CSMD1: variants seen among roughly 807,000 people sequenced by gnomAD.
CSMD1 encodes the protein CUB and Sushi multiple domains 1.
In CSMD1, 213 loss-of-function variants were observed where a neutral mutation model predicts 417.5. That is an observed-to-expected ratio of 0.51 (90% CI 0.46 to 0.57). The LOEUF (loss-of-function observed/expected upper bound fraction) is 0.57, where lower values mean the gene tolerates loss of function less well. Among genes scored for constraint, CSMD1 ranks in the 20% least tolerant of loss-of-function variants. CSMD1 has a pLI of 0.00. For synonymous variants in CSMD1, 2,862 were observed against 1,736.8 expected (o/e 1.65, Z -16.11); for missense variants, 6,923 against 4,529.7 (o/e 1.53, Z -15.17).
chr8:3,409,749 G>A, intron 12 of CSMD1, 144 bp from the exon 13 acceptor site: 1 of 609,510 alleles, frequency 1.6e-6, no homozygotes, highest in Non-Finnish European at 2.8e-6. Context: ...ATATTCAATT[G>A]ATCTTAAATT....
At chr8:3,675,973 T>G (rs1799354491) in intron 7 of CSMD1, among the ~76,000 whole-genome samples, 1 of 152,202 alleles carries the variant, frequency 6.6e-6, no homozygotes, top group African/African-American at 2.4e-5. Context: ...GCCTGCCATC[T>G]TCCCAGTCAG....
At position 3,997,920 on chromosome 8, in the gene CSMD1, C is replaced by G; in HGVS notation, c.801G>C (p.Thr267=). The change falls in exon 5 of 70, where the codon ACG becomes ACC. Residue 267 remains threonine, a synonymous_variant. Transcript: ENST00000635120. ...EGYDFLEISG[T]EAPSIWLTGM... ...GGACTTACCATATGGATGGAGCTTC[C>G]GTGCCACTGATCTCTAAGAAATCAT... 6.2e-7 allele frequency: 1 copy of G among 1,612,108 alleles called. No homozygotes were observed. The highest frequency in any genetic ancestry group is 8.5e-7 in the Non-Finnish European group (1 of 1,179,104).
At chr8:3,995,625 A>G (rs967320708) in intron 5 of CSMD1, among the ~76,000 whole-genome samples, 1 of 152,250 alleles carries the variant, frequency 6.6e-6, no homozygotes, top group Non-Finnish European at 1.5e-5. Flanking sequence ...CAGCTTTGCC[A>G]TCTCTTGTCC....
chr8:4,439,326 A>C (rs1267391165), intron 2 of CSMD1, among the ~76,000 whole-genome samples: 3 of 152,170 alleles, frequency 2.0e-5, no homozygotes, highest in Non-Finnish European at 4.4e-5. Flanking sequence ...CAATACGTTA[A>C]ATATAATTAT....
chr8:3,652,922 G>A (rs1797932243), intron 7 of CSMD1, among the ~76,000 whole-genome samples: 1 of 152,150 alleles, frequency 6.6e-6, no homozygotes, highest in African/African-American at 2.4e-5. Context: ...ATGAATAAAT[G>A]AACACCACTA....
intron 40 of CSMD1, 43 bp downstream of exon 40, chr8:3,151,354 T>C (rs749869906): frequency 1.6e-6 from 2 of 1,258,372 alleles, no homozygotes; most frequent in Non-Finnish European, 2.3e-6. Context: ...AAGATGGAAA[T>C]GAAAAAAATG....
chr8:4,734,867 T>G (rs982081427), intron 1 of CSMD1, among the ~76,000 whole-genome samples: 10 of 152,190 alleles, frequency 6.6e-5, no homozygotes, highest in Admixed American at 6.5e-5. Flanking sequence ...AGATTCCATG[T>G]GTGTTTACCC....
chr8:3,945,822 A>T (rs1811185573), intron 5 of CSMD1, among the ~76,000 whole-genome samples: 1 of 152,076 alleles, frequency 6.6e-6, no homozygotes. Flanking sequence ...CACACACATG[A>T]GGTAGTATAA....
chr8:4,149,143 T>C (rs952665846), intron 3 of CSMD1, among the ~76,000 whole-genome samples: 4 of 152,014 alleles, frequency 2.6e-5, no homozygotes, highest in Admixed American at 2.0e-4. Context: ...TTTCTATTTT[T>C]AGTAGAGACA....
intron 3 of CSMD1, among the ~76,000 whole-genome samples, chr8:4,218,154 A>G (rs1012576348): frequency 3.3e-5 from 5 of 152,172 alleles, no homozygotes; most frequent in Admixed American, 3.3e-4. Flanking sequence ...TACATGCTGA[A>G]CGTTCTAGTA....
intron 7 of CSMD1, among the ~76,000 whole-genome samples, chr8:3,643,188 G>A (rs757680775): frequency 4.0e-5 from 6 of 151,894 alleles, no homozygotes; most frequent in South Asian, 2.1e-4. Context: ...GGAAGCTCAG[G>A]GAAAACCAAT....
intron 12 of CSMD1, among the ~76,000 whole-genome samples, chr8:3,464,739 T>C (rs1256998531): frequency 6.6e-6 from 1 of 152,056 alleles, no homozygotes; most frequent in Non-Finnish European, 1.5e-5. Flanking sequence ...AGTGTTGCTT[T>C]ATATGGCTCT....
At chr8:4,169,883 T>C (rs1035642028) in intron 3 of CSMD1, among the ~76,000 whole-genome samples, 4 of 149,782 alleles carry the variant, frequency 2.7e-5, no homozygotes, top group African/African-American at 1.0e-4. Flanking sequence ...AATTTACTTC[T>C]GTTTTCTATG....
chr8:4,261,470 C>T (rs1369721269), intron 3 of CSMD1, among the ~76,000 whole-genome samples: 1 of 152,106 alleles, frequency 6.6e-6, no homozygotes, highest in African/African-American at 2.4e-5. Context: ...GATGCATCAG[C>T]CCTGGGATCT....
intron 26 of CSMD1, among the ~76,000 whole-genome samples, chr8:3,238,277 G>T (rs1178054634): frequency 2.6e-5 from 4 of 152,056 alleles, no homozygotes; most frequent in Non-Finnish European, 5.9e-5. Flanking sequence ...ATCAGTTAAG[G>T]CAGGAACAGG....
intron 6 of CSMD1, among the ~76,000 whole-genome samples, chr8:3,729,759 G>A (rs1488677647): frequency 6.6e-6 from 1 of 151,826 alleles, no homozygotes; most frequent in African/African-American, 2.4e-5. Flanking sequence ...TCACCACAAA[G>A]ACATAATTAT....
chr8:4,586,736 C>A (rs772683382), intron 2 of CSMD1, among the ~76,000 whole-genome samples: 2 of 152,128 alleles, frequency 1.3e-5, no homozygotes, highest in Non-Finnish European at 2.9e-5. Context: ...TGAGAGAGAT[C>A]CTCCATGAAT....
chr8:3,746,080 C>G (rs1797052561), intron 6 of CSMD1, among the ~76,000 whole-genome samples: 1 of 149,880 alleles, frequency 6.7e-6, no homozygotes, highest in South Asian at 2.1e-4. Flanking sequence ...GGACATTTAG[C>G]AAATAAACAT....
chr8:3,516,606 G>A (rs1389875345), intron 10 of CSMD1, among the ~76,000 whole-genome samples: 3 of 152,158 alleles, frequency 2.0e-5, no homozygotes, highest in East Asian at 1.9e-4. Context: ...AGTTTAAGAG[G>A]ATGTTTATTT....
Sources: allele counts gnomAD v4.1 joint callset (sites outside exome capture counted in the v4.1 genomes callset), GRCh38; gene constraint gnomAD v4.1.1; transcripts MANE v1.5; gene names NCBI Gene and HGNC (gene_info 2026-07-23, HGNC 2026-07-21).